Variants in EFCAB6 observed in about 807,000 individuals in gnomAD.
EFCAB6 encodes the protein EF-hand calcium-binding domain-containing protein 6.
In EFCAB6, 156 loss-of-function variants were observed where a neutral mutation model predicts 169.8. The ratio of observed to expected loss-of-function variants is 0.92; its 90% CI spans 0.81 to 1.05. EFCAB6 has a LOEUF of 1.05. Among genes scored for constraint, EFCAB6 ranks in the 50% least tolerant of loss-of-function variants. The pLI is 0.00. For missense variants in EFCAB6, 1,800 were observed against 1,829.1 expected (o/e 0.98, Z 0.29); for synonymous variants, 698 against 676.4 (o/e 1.03, Z -0.50).
At chr22:43,560,366 T>C (rs997224906) in intron 26 of EFCAB6, among the ~76,000 whole-genome samples, 2 of 152,224 alleles carry the variant, frequency 1.3e-5, no homozygotes, top group African/African-American at 4.8e-5. Context: ...CAGAGTAATA[T>C]AGCTAGGTTC....
At chr22:43,621,076 T>A (rs915386341) in intron 20 of EFCAB6, among the ~76,000 whole-genome samples, 9 of 148,738 alleles carry the variant, frequency 6.1e-5, no homozygotes, top group Admixed American at 4.8e-4. Context: ...GAACAATATT[T>A]AAACACTATG....
intron 19 of EFCAB6, among the ~76,000 whole-genome samples, chr22:43,629,755 G>A (rs1369131024): frequency 2.0e-5 from 3 of 152,138 alleles, no homozygotes; most frequent in African/African-American, 7.2e-5. Flanking sequence ...TCCAAGCAAA[G>A]GAACAGAATG....
intron 23 of EFCAB6, 113 bp from the exon 24 acceptor site, chr22:43,590,342 C>A: frequency 1.6e-6 from 2 of 1,267,602 alleles, no homozygotes; most frequent in Admixed American, 2.6e-5. Flanking sequence ...CATCTAAGAA[C>A]TAATTTTGAA....
intron 9 of EFCAB6, among the ~76,000 whole-genome samples, chr22:43,715,769 T>C (rs111718457): frequency 3.9e-5 from 6 of 152,336 alleles, no homozygotes; most frequent in South Asian, 2.1e-4. Context: ...CATGTTTTTA[T>C]GAAAACAAGA....
intron 16 of EFCAB6, among the ~76,000 whole-genome samples, chr22:43,667,827 T>C (rs2057329953): frequency 6.6e-6 from 1 of 152,152 alleles, no homozygotes; most frequent in Non-Finnish European, 1.5e-5. Flanking sequence ...TCAGCGTGGA[T>C]GTGTCTGAGC....
Position 43,615,936 on chromosome 22 carries a change from A to G in EFCAB6, c.2466-14T>C. On this transcript the variant is annotated splice_polypyrimidine_tract_variant and intron_variant, in intron 20 of 31. Coordinates refer to ENST00000262726, the MANE Select transcript of EFCAB6 (RefSeq NM_022785.4). ...TTCTGTTTTGGTCTTAAAAGAAAAA[A>G]AATAATAAATAACTGTGTTTAAATT... is the stretch of plus-strand genomic sequence containing the variant. 6.2e-7 allele frequency: 1 copy of G among 1,600,152 alleles called. No individual in the cohort carries two copies.
At chr22:43,548,939 T>A (rs2147137816) in intron 27 of EFCAB6, among the ~76,000 whole-genome samples, 1 of 152,342 alleles carries the variant, frequency 6.6e-6, no homozygotes, top group African/African-American at 2.4e-5. Context: ...GATTATATTT[T>A]CTGATTAAAA....
chr22:43,737,951 C>T (rs1357792132), intron 6 of EFCAB6, among the ~76,000 whole-genome samples: 2 of 149,726 alleles, frequency 1.3e-5, no homozygotes, highest in African/African-American at 4.9e-5. Flanking sequence ...CATATACTTG[C>T]ATACCCACAC....
chr22:43,737,471 C>T (rs1010897388), intron 6 of EFCAB6, among the ~76,000 whole-genome samples: 2 of 146,806 alleles, frequency 1.4e-5, no homozygotes, highest in East Asian at 4.1e-4. Flanking sequence ...CACCCCTGTG[C>T]ATATATTCAC....
At chr22:43,602,222 G>A (rs1302848504) in intron 22 of EFCAB6, among the ~76,000 whole-genome samples, 1 of 152,240 alleles carries the variant, frequency 6.6e-6, no homozygotes. Context: ...CTTTTCAGGT[G>A]TCTATTATGA....
chr22:43,530,953 G>C lies in EFCAB6; in HGVS notation c.4245C>G (p.Gly1415=), dbSNP rs766287775. 1 of 1,614,050 alleles carries C rather than the reference G, an allele frequency of 6.2e-7. No homozygotes were observed. Residue 1415 remains glycine (G), a synonymous_variant, in exon 31 of 32, where the codon GGC becomes GGG. Transcript: ENST00000262726. ...CAGAGTAAAAAGATGGCGTCTCCGC[G>C]CCGGCTTCTTTCTAGACACAAGACA... ...IQNAHKMKEA[G]AETPSFYSAL...
At chr22:43,678,304 T>G in intron 12 of EFCAB6, 141 bp from the exon 13 acceptor site, 1 of 706,410 alleles carries the variant, frequency 1.4e-6, no homozygotes, top group East Asian at 2.8e-5. Flanking sequence ...ATACATCGAC[T>G]GATGATCCTT....
intron 8 of EFCAB6, among the ~76,000 whole-genome samples, chr22:43,718,063 C>CCCATCCATCCATCCATCCATCCATCCAT (rs71188406): frequency 2.4e-4 from 31 of 131,914 alleles, no homozygotes; most frequent in African/African-American, 7.7e-4. Context: ...CATCCATCCA[C>CCCATCCATCCATCCATCCATCCATCCAT]CCATCCATCC....
At chr22:43,804,675 T>G (rs4823144) in intron 2 of EFCAB6, among the ~76,000 whole-genome samples, 132,913 of 151,420 alleles carry the variant, frequency 0.88, 58,370 homozygotes, top group East Asian at 0.99. Context: ...GCTGAGGCAG[T>G]ATTGCTTGAG....
intron 2 of EFCAB6, among the ~76,000 whole-genome samples, chr22:43,807,771 T>C (rs17491688): frequency 0.042 from 6,446 of 152,226 alleles, 152 homozygotes; most frequent in Non-Finnish European, 0.052. Flanking sequence ...TTGAGAAAAA[T>C]CTTCTTGTCT....
chr22:43,701,011 T>C (rs1288515024), intron 10 of EFCAB6, among the ~76,000 whole-genome samples: 1 of 151,918 alleles, frequency 6.6e-6, no homozygotes, highest in African/African-American at 2.4e-5. Flanking sequence ...AATAAAAGAG[T>C]CTATCTCAAT....
At chr22:43,652,941 T>TAATACTAA in intron 17 of EFCAB6, among the ~76,000 whole-genome samples, 1 of 152,004 alleles carries the variant, frequency 6.6e-6, no homozygotes. Context: ...CTGAAAAATA[T>TAATACTAA]AATACTAAAA....
chr22:43,543,599 G>A (rs2047874470), intron 27 of EFCAB6, among the ~76,000 whole-genome samples: 1 of 152,114 alleles, frequency 6.6e-6, no homozygotes, highest in Admixed American at 6.5e-5. Context: ...CGACCCCTTG[G>A]GCCCAAGGTC....
At position 43,695,087 on chromosome 22, in the gene EFCAB6, C is replaced by T. The variant is rs187822378; in HGVS notation, c.1032-7506G>A. On this transcript the variant is annotated intron_variant, in intron 10 of 31. Coordinates refer to ENST00000262726, the MANE Select transcript of EFCAB6 (RefSeq NM_022785.4). Reference sequence around the variant, plus strand: ...CAAGCTTGCTTTTATTTTTAGGTGACATGACTGTACTTACAAGAAATCTAC... The same window carrying T: ...CAAGCTTGCTTTTATTTTTAGGTGATATGACTGTACTTACAAGAAATCTAC... Among the ~76,000 whole-genome samples the T allele has an allele frequency of 1.8e-3, 271 of 152,070 alleles. 1 individual carries two copies. The highest frequency in any genetic ancestry group is 2.2e-3 in the Non-Finnish European group (148 of 67,866).
Sources: gnomAD v4.1 joint callset for allele counts (sites outside exome capture counted in the v4.1 genomes callset) on GRCh38, gnomAD v4.1.1 for gene constraint, MANE v1.5 for transcripts, NCBI Gene and HGNC (gene_info 2026-07-23, HGNC 2026-07-21) for gene names.